The following LIN54 variants were observed in gnomAD, a reference collection of about 807,000 sequenced individuals.
LIN54 encodes protein lin-54 homolog.
Under a neutral mutation model 78.7 loss-of-function variants are expected in LIN54, and 9 were observed. The observed-to-expected ratio is 0.11, with a 90% confidence interval of 0.07 to 0.20. LIN54 has a LOEUF of 0.20. Among genes scored for constraint, LIN54 ranks in the 10% least tolerant of loss-of-function variants. The probability of loss-of-function intolerance (pLI) is 1.00; values close to 1 mark genes in which losing one functional copy is unlikely to be tolerated. For synonymous variants in LIN54, 269 were observed against 318.4 expected, an observed-to-expected ratio of 0.84 and a Z score of 1.65; for missense variants, 573 against 889.9, an observed-to-expected ratio of 0.64 and a Z score of 4.53.
At chr4:82,946,171 T>C in intron 5 of LIN54, 87 bp downstream of exon 5, 1 of 1,168,174 alleles carries the variant, frequency 8.6e-7, no homozygotes. Flanking sequence ...AATGCCACTC[T>C]TCATCAGGAT....
At chr4:82,994,159 C>G (rs1356900221) in intron 1 of LIN54, among the ~76,000 whole-genome samples, 2 of 152,034 alleles carry the variant, frequency 1.3e-5, no homozygotes, top group Non-Finnish European at 2.9e-5. Flanking sequence ...TCATTCACTT[C>G]AAATGTTTTC....
At chr4:82,935,861 C>CG in intron 11 of LIN54, 120 bp downstream of exon 11, 1 of 968,722 alleles carries the variant, frequency 1.0e-6, no homozygotes, top group Non-Finnish European at 1.6e-6. Flanking sequence ...TTTGCACCAA[C>CG]TGTGCATATT....
intron 4 of LIN54, among the ~76,000 whole-genome samples, chr4:82,953,838 C>A (rs901885403): frequency 6.6e-6 from 1 of 151,750 alleles, no homozygotes; most frequent in African/African-American, 2.4e-5. Flanking sequence ...CAGTCCTAGC[C>A]CTGAGGTGGG....
chr4:83,011,207 T>C (rs367821264), upstream of LIN54, among the ~76,000 whole-genome samples: 21 of 152,344 alleles, frequency 1.4e-4, no homozygotes, highest in Admixed American at 9.1e-4. Context: ...AGACCTTTAA[T>C]GTCATTCACC....
chr4:83,002,299 A>G (rs888577060), intron 1 of LIN54, among the ~76,000 whole-genome samples: 33 of 151,544 alleles, frequency 2.2e-4, no homozygotes, highest in African/African-American at 8.0e-4. Flanking sequence ...TACTTGGGAG[A>G]CTGAGGCATG....
intron 1 of LIN54, among the ~76,000 whole-genome samples, chr4:83,005,854 C>T (rs918574423): frequency 6.6e-6 from 1 of 152,076 alleles, no homozygotes; most frequent in Non-Finnish European, 1.5e-5. Flanking sequence ...CAGCACTACT[C>T]ACAAGAGCAA....
chr4:83,002,695 G>A (rs1728975275), intron 1 of LIN54, among the ~76,000 whole-genome samples: 1 of 152,074 alleles, frequency 6.6e-6, no homozygotes, highest in South Asian at 2.1e-4. Flanking sequence ...TTCAGTTCAT[G>A]AACAGTAACT....
intron 8 of LIN54, among the ~76,000 whole-genome samples, chr4:82,937,834 AT>A (rs1722512595): frequency 6.6e-6 from 1 of 152,180 alleles, no homozygotes; most frequent in Admixed American, 6.5e-5. Flanking sequence ...ACCTCACATA[AT>A]TTTAAAAATA....
In LIN54 at chr4:82,963,264, T is replaced by C. The variant is rs1021063624; in HGVS notation, c.951+7063A>G. On this transcript the variant is annotated intron_variant, in intron 4 of 12. Transcript: ENST00000340417. ...CAATGAAAATATCTTTTAAAAATAA[T>C]GGCAAGATACAAATTTTTCAAACAA... Among the ~76,000 whole-genome samples the C allele has an allele frequency of 6.3e-4, 96 of 152,128 alleles. 5 individuals carry two copies. Among genetic ancestry groups the C allele is most frequent in the Non-Finnish European group, 4.4e-5 (3 of 67,982 alleles).
At chr4:82,997,176 A>C (rs1360199254) in intron 1 of LIN54, among the ~76,000 whole-genome samples, 1 of 152,084 alleles carries the variant, frequency 6.6e-6, no homozygotes, top group East Asian at 1.9e-4. Flanking sequence ...ATCATAGAGA[A>C]GGAGTGTCAC....
chr4:82,928,431 TAC>T, intron 12 of LIN54, 128 bp from the exon 13 acceptor site: 2 of 744,346 alleles, frequency 2.7e-6, no homozygotes, highest in South Asian at 1.6e-5. Context: ...CATCACAATT[TAC>T]ACAGTGAGCA....
intron 3 of LIN54, 82 bp from the exon 4 acceptor site, chr4:82,970,551 A>C: frequency 8.2e-7 from 1 of 1,224,342 alleles, no homozygotes; most frequent in Non-Finnish European, 1.2e-6. Flanking sequence ...TACACTCACA[A>C]GGACTGCAGA....
rs1307017949 is a variant in LIN54 at position 82,936,344 on chromosome 4, T to C, written c.1642A>G (p.Asn548Asp). 1 of 1,577,424 alleles carries C rather than the reference T, an allele frequency of 6.3e-7. No individual in the cohort carries two copies. The highest frequency in any genetic ancestry group is 8.6e-7 in the Non-Finnish European group (1 of 1,157,178). Residue 548 changes from asparagine to aspartate, a missense_variant, in exon 10 of 13, where the codon AAC (asparagine) becomes GAC (aspartate). By Grantham distance (23) the Asn-to-Asp change is conservative (BLOSUM62 1). Around this residue, in one of 6 missense-constraint regions of LIN54, gnomAD observed 101 missense variants for 194.2 expected, o/e 0.52. Transcript: ENST00000340417. Reference protein sequence around the residue: ...DCFANGEFCNNCNCTNCYNNL... With the variant: ...DCFANGEFCNDCNCTNCYNNL... Reference sequence around the variant, plus strand: ...TTGTAACAATTAGTACAATTGCAGTTGTTGCAAAATTCACCATTTGCAAAG... The same window carrying C: ...TTGTAACAATTAGTACAATTGCAGTCGTTGCAAAATTCACCATTTGCAAAG...
At chr4:82,946,903 T>C (rs556354525) in intron 4 of LIN54, among the ~76,000 whole-genome samples, 27 of 152,170 alleles carry the variant, frequency 1.8e-4, no homozygotes, top group African/African-American at 6.5e-4. Context: ...ACAAATTTTA[T>C]ATTCCCATGT....
intron 11 of LIN54, 86 bp from the exon 12 acceptor site, chr4:82,931,231 TA>T: frequency 1.1e-6 from 1 of 919,474 alleles, no homozygotes; most frequent in Non-Finnish European, 1.7e-6. Context: ...CAACAGCTAA[TA>T]GCATTACCTG....
In LIN54 at chr4:82,946,331, A is replaced by G. The variant is rs1273524349; in HGVS notation, c.1095T>C (p.Thr365=). Residue 365 remains threonine (T), a synonymous_variant, in exon 5 of 13, where the codon ACT becomes ACC. Transcript: ENST00000340417. The stretch of plus-strand genomic sequence containing the variant: ...GGGTTGAGCTACTGGCTGATGTGGC[A>G]GTAACAAGTCGGACATAATGAAACT... ...GSKFHYVRLV[T]ATSASSSTQP... is the part of the protein sequence containing the mutation. 1 of 1,614,242 alleles carries G rather than the reference A, an allele frequency of 6.2e-7. No homozygotes were observed. Among genetic ancestry groups the G allele is most frequent in the Non-Finnish European group, 8.5e-7 (1 of 1,180,024 alleles).
chr4:83,008,426 G>A (rs1729578609), intron 1 of LIN54, among the ~76,000 whole-genome samples: 1 of 152,158 alleles, frequency 6.6e-6, no homozygotes, highest in Non-Finnish European at 1.5e-5. Flanking sequence ...CGAGGTGGGT[G>A]GATCACGAGG....
intron 1 of LIN54, among the ~76,000 whole-genome samples, chr4:83,000,840 T>TTTTTTTTTTTTTGG (rs70943183): frequency 6.7e-6 from 1 of 150,236 alleles, no homozygotes. Context: ...TTTTTTTTTT[T>TTTTTTTTTTTTTGG]GGAGATAGAG....
intron 4 of LIN54, among the ~76,000 whole-genome samples, chr4:82,956,716 A>G (rs1724365371): frequency 6.6e-6 from 1 of 152,136 alleles, no homozygotes; most frequent in African/African-American, 2.4e-5. Flanking sequence ...CACAGTAAAA[A>G]GAATTTCTCA....
Sources: allele counts gnomAD v4.1 joint callset (sites outside exome capture counted in the v4.1 genomes callset), GRCh38; gene constraint gnomAD v4.1.1; regional missense constraint gnomAD v4.1.1; transcripts MANE v1.5; gene names NCBI Gene and HGNC (gene_info 2026-07-23, HGNC 2026-07-21).